ASCC3: variants seen among roughly 807,000 people sequenced by gnomAD.
ASCC3 encodes activating signal cointegrator 1 complex subunit 3.
Under a neutral mutation model 256.3 loss-of-function variants are expected in ASCC3, and 158 were observed. The ratio of observed to expected loss-of-function variants is 0.62; its 90% CI spans 0.54 to 0.70. ASCC3 has a LOEUF of 0.70. ASCC3 is among the 30% of genes least tolerant of loss of function. The pLI, the probability that ASCC3 is intolerant of heterozygous loss-of-function variation, is 0.00. For synonymous variants in ASCC3, 948 were observed against 883.4 expected (o/e 1.07, Z -1.30); for missense variants, 2,259 against 2,626.0 (o/e 0.86, Z 3.05).
At position 100,684,557 on chromosome 6, in the gene ASCC3, CAT is replaced by C. The variant is rs527909844; in HGVS notation, c.2152-4807_2152-4806del. Among the ~76,000 whole-genome samples the C allele has an allele frequency of 3.7e-4, 57 of 152,216 alleles. 1 individual carries two copies. Among genetic ancestry groups the C allele is most frequent in the African/African-American group, 1.3e-3 (56 of 41,544 alleles). ...TAGCACCATTATTAGGTCGAATAAACATAAACAAAATTAATTTTGCCTAAAAG... is the reference window on the plus strand; with the variant it reads ...TAGCACCATTATTAGGTCGAATAAACAAACAAAATTAATTTTGCCTAAAAG... On this transcript the variant is annotated intron_variant, in intron 13 of 41. Coordinates refer to ENST00000369162, the MANE Select transcript of ASCC3 (RefSeq NM_006828.4).
chr6:100,684,190 A>C (rs1240024137), intron 13 of ASCC3, among the ~76,000 whole-genome samples: 1 of 152,234 alleles, frequency 6.6e-6, no homozygotes, highest in Non-Finnish European at 1.5e-5. Flanking sequence ...AGTACTGCTA[A>C]ATATCAGTGT....
chr6:100,630,300 A>C (rs987436652), intron 26 of ASCC3, among the ~76,000 whole-genome samples: 1 of 152,064 alleles, frequency 6.6e-6, no homozygotes, highest in African/African-American at 2.4e-5. Flanking sequence ...TATTTTAAAG[A>C]TTTACATTTT....
Position 100,630,471 on chromosome 6 carries a change from AT to A in ASCC3, c.4208+656del, listed in dbSNP as rs367706310. 2.3e-3 allele frequency among the ~76,000 whole-genome samples: 335 copies of A among 144,810 alleles called. 1 individual carries two copies. Among genetic ancestry groups the A allele is most frequent in the Admixed American group, 2.8e-3 (40 of 14,388 alleles). ...AAAAAACATGAGCTAGGATACTTAT[AT>A]TTTTTTTTTGTTTTTTTTTTTTACA... On this transcript the variant is annotated intron_variant, in intron 26 of 41. Transcript: ENST00000369162.
chr6:100,853,632 T>C (rs1424839006), intron 3 of ASCC3, among the ~76,000 whole-genome samples: 1 of 152,172 alleles, frequency 6.6e-6, no homozygotes, highest in East Asian at 1.9e-4. Flanking sequence ...GCCTAGCTAA[T>C]TTTTAAATTT....
intron 8 of ASCC3, among the ~76,000 whole-genome samples, chr6:100,773,775 T>A (rs1325310653): frequency 6.6e-6 from 1 of 152,168 alleles, no homozygotes; most frequent in Admixed American, 6.5e-5. Flanking sequence ...AATGATTTTA[T>A]GCTGGCTACT....
intron 10 of ASCC3, among the ~76,000 whole-genome samples, chr6:100,756,145 G>C (rs894075854): frequency 1.3e-5 from 2 of 151,582 alleles, no homozygotes; most frequent in African/African-American, 4.8e-5. Flanking sequence ...AAATTGGTTT[G>C]AGTGAATGTT....
intron 24 of ASCC3, among the ~76,000 whole-genome samples, chr6:100,641,911 G>A (rs1775137069): frequency 6.6e-6 from 1 of 150,904 alleles, no homozygotes; most frequent in African/African-American, 2.4e-5. Flanking sequence ...ACTATCGCAA[G>A]GACAAAAAAC....
At chr6:100,525,921 A>G (rs17060704) in intron 37 of ASCC3, among the ~76,000 whole-genome samples, 1,903 of 152,252 alleles carry the variant, frequency 0.012, 43 homozygotes, top group African/African-American at 0.045. Flanking sequence ...AAGAGCTCCC[A>G]GAAGTTTTAC....
At position 100,679,625 on chromosome 6, in the gene ASCC3, TC is replaced by T; in HGVS notation, c.2278del (p.Glu760LysfsTer34). 1 of 1,613,608 alleles carries T rather than the reference TC, an allele frequency of 6.2e-7. No homozygotes were observed. The highest frequency in any genetic ancestry group is 8.5e-7 in the Non-Finnish European group (1 of 1,179,694). ...GTCCTCTTTGTTTCTTACCTGTTTT[TC>T]TGCAAGTACATAGTCATGTCCTTGG... Reference protein sequence around the residue: ...PTQGHDYVLAEKQVQRSRNKQ... With the variant: ...PTQGHDYVLAXKQVQRSRNKQ... On this transcript the variant is annotated frameshift_variant, in exon 14 of 42. Coordinates refer to ENST00000369162, the MANE Select transcript of ASCC3 (RefSeq NM_006828.4). LOFTEE classifies it high-confidence loss of function.
chr6:100,800,778 A>G (rs1480157736), intron 5 of ASCC3, among the ~76,000 whole-genome samples: 2 of 151,812 alleles, frequency 1.3e-5, no homozygotes, highest in African/African-American at 4.8e-5. Flanking sequence ...TACATATAAC[A>G]TTAGGAACCT....
At chr6:100,672,234 T>C (rs1229216567) in intron 14 of ASCC3, among the ~76,000 whole-genome samples, 2 of 152,108 alleles carry the variant, frequency 1.3e-5, no homozygotes, top group Non-Finnish European at 2.9e-5. Flanking sequence ...TTAATCTTTC[T>C]GTCCTTCCAG....
chr6:100,589,855 A>T (rs920301879), intron 35 of ASCC3, 87 bp from the exon 36 acceptor site: 1 of 1,595,882 alleles, frequency 6.3e-7, no homozygotes, highest in Admixed American at 1.7e-5. Flanking sequence ...TTTTGAAACA[A>T]TTTTTTAAAA....
intron 26 of ASCC3, 22 bp from the exon 27 acceptor site, chr6:100,629,203 A>T (rs1252084913): frequency 6.2e-7 from 1 of 1,610,096 alleles, no homozygotes; most frequent in Non-Finnish European, 8.5e-7. Flanking sequence ...TATAACAATG[A>T]TCCCAGAAAC....
At chr6:100,588,036 T>G (rs1305074234) in intron 36 of ASCC3, among the ~76,000 whole-genome samples, 1 of 152,178 alleles carries the variant, frequency 6.6e-6, no homozygotes. Flanking sequence ...TATGTGCATG[T>G]GTGCATATGT....
At chr6:100,586,288 C>T (rs111257510) in intron 36 of ASCC3, among the ~76,000 whole-genome samples, 3 of 152,174 alleles carry the variant, frequency 2.0e-5, no homozygotes, top group Admixed American at 6.5e-5. Context: ...TGGGCAATGG[C>T]GGGTGACCCT....
chr6:100,577,721 AACAC>A (rs150831288), intron 36 of ASCC3, among the ~76,000 whole-genome samples: 2 of 151,112 alleles, frequency 1.3e-5, no homozygotes, highest in East Asian at 1.9e-4. Flanking sequence ...TCTGTGTGTG[AACAC>A]ACACACACCC....
chr6:100,656,285 G>T (rs1321209110), intron 16 of ASCC3, among the ~76,000 whole-genome samples: 1 of 151,616 alleles, frequency 6.6e-6, no homozygotes, highest in Non-Finnish European at 1.5e-5. Flanking sequence ...AAACCACAGA[G>T]GGGATAACAT....
intron 3 of ASCC3, chr6:100,857,844 T>C (rs559382951): frequency 1.3e-5 from 2 of 150,498 alleles, no homozygotes; most frequent in South Asian, 4.2e-4. Context: ...AACTTTCATA[T>C]TACCCTTGTC....
At chr6:100,692,012 C>G (rs913594368) in intron 13 of ASCC3, among the ~76,000 whole-genome samples, 2 of 151,986 alleles carry the variant, frequency 1.3e-5, no homozygotes, top group African/African-American at 4.8e-5. Context: ...TGGAAGTGAT[C>G]TATTTGGTAG....
Sources: gnomAD v4.1 joint callset for allele counts (sites outside exome capture counted in the v4.1 genomes callset) on GRCh38, gnomAD v4.1.1 for gene constraint, MANE v1.5 for transcripts, NCBI Gene and HGNC (gene_info 2026-07-23, HGNC 2026-07-21) for gene names.